TMEM71: variants seen among roughly 807,000 people sequenced by gnomAD.
TMEM71 encodes the protein transmembrane protein 71.
Under a neutral mutation model 38.0 loss-of-function variants are expected in TMEM71, and 44 were observed. The observed-to-expected ratio is 1.16, with a 90% confidence interval of 0.91 to 1.49. The LOEUF (loss-of-function observed/expected upper bound fraction) is 1.49. Among genes scored for constraint, TMEM71 ranks in the 40% most tolerant of loss-of-function variants. TMEM71 has a pLI of 0.00. For synonymous variants in TMEM71, 133 were observed against 122.5 expected (o/e 1.09, Z -0.56); for missense variants, 367 against 348.6 (o/e 1.05, Z -0.42).
the TMEM71 span, among the ~76,000 whole-genome samples, chr8:132,766,140 G>T: frequency 1.3e-5 from 2 of 152,078 alleles, no homozygotes; most frequent in Non-Finnish European, 2.9e-5. Context: ...TTTGCTCCTT[G>T]TGCCATCATT....
intron 4 of TMEM71, among the ~76,000 whole-genome samples, chr8:132,751,488 T>C (rs995567079): frequency 2.6e-5 from 4 of 152,272 alleles, no homozygotes; most frequent in African/African-American, 9.6e-5. Flanking sequence ...CCGTATTATT[T>C]CATTGCTTTC....
chr8:132,764,288 T>TTGTG (rs5895159), upstream of TMEM71, among the ~76,000 whole-genome samples: 41,402 of 149,038 alleles, frequency 0.28, 7,447 homozygotes, highest in African/African-American at 0.5. Flanking sequence ...AACTGGGAGG[T>TTGTG]TGTGTGTGTG....
chr8:132,716,287 C>T (rs1216335884), intron 7 of TMEM71, among the ~76,000 whole-genome samples: 1 of 152,202 alleles, frequency 6.6e-6, no homozygotes, highest in Non-Finnish European at 1.5e-5. Context: ...TAGCAGTGAC[C>T]AGACCCCACA....
chr8:132,714,281 TAG>T, intron 7 of TMEM71, 66 bp from the exon 8 acceptor site: 1 of 1,177,676 alleles, frequency 8.5e-7, no homozygotes, highest in Non-Finnish European at 1.3e-6. Flanking sequence ...GTGATTTTTT[TAG>T]ACTTACTATA....
chr8:132,722,513 G>A (rs748370865), intron 6 of TMEM71, among the ~76,000 whole-genome samples: 4 of 152,264 alleles, frequency 2.6e-5, no homozygotes, highest in East Asian at 1.9e-4. Context: ...GCTTGTATAC[G>A]TTAGTTCACT....
intron 6 of TMEM71, among the ~76,000 whole-genome samples, chr8:132,723,618 C>G (rs1826970618): frequency 6.6e-6 from 1 of 152,132 alleles, no homozygotes; most frequent in Non-Finnish European, 1.5e-5. Context: ...ATTAAAAATT[C>G]TATAATATTT....
chr8:132,760,757 A>T (rs1261959455), upstream of TMEM71: 3 of 152,234 alleles, frequency 2.0e-5, no homozygotes, highest in African/African-American at 7.2e-5. Context: ...GGCCAGCAGC[A>T]GGGAATGTGC....
chr8:132,774,880 G>A, the TMEM71 span, among the ~76,000 whole-genome samples: 9 of 152,220 alleles, frequency 5.9e-5, no homozygotes, highest in Admixed American at 5.9e-4. Flanking sequence ...CTCCAAGACT[G>A]GAAAGCAATA....
At chr8:132,744,617 C>A (rs1376993336) in intron 5 of TMEM71, among the ~76,000 whole-genome samples, 1 of 152,152 alleles carries the variant, frequency 6.6e-6, no homozygotes, top group East Asian at 1.9e-4. Flanking sequence ...CTAAAGCAAT[C>A]TACAAATTCA....
intron 4 of TMEM71, among the ~76,000 whole-genome samples, chr8:132,750,333 T>G (rs1828636974): frequency 6.6e-6 from 1 of 152,180 alleles, no homozygotes; most frequent in South Asian, 2.1e-4. Context: ...TAGAGTGCAT[T>G]TCCCTGACCC....
intron 9 of TMEM71, among the ~76,000 whole-genome samples, chr8:132,711,358 CA>C (rs571410331): frequency 1.4e-3 from 212 of 152,256 alleles, no homozygotes; most frequent in Admixed American, 2.5e-3. Flanking sequence ...TCATGATCCT[CA>C]AGAAGATTAA....
At chr8:132,751,713 A>G in intron 4 of TMEM71, 72 bp downstream of exon 4, 1 of 1,415,762 alleles carries the variant, frequency 7.1e-7, no homozygotes, top group Non-Finnish European at 1.0e-6. Flanking sequence ...TAGTTGAGTG[A>G]ATAAATGAAT....
At chr8:132,746,227 G>A (rs1828333061) in intron 5 of TMEM71, among the ~76,000 whole-genome samples, 1 of 150,300 alleles carries the variant, frequency 6.7e-6, no homozygotes, top group Non-Finnish European at 1.5e-5. Context: ...CCATCACTGT[G>A]TTTATATACA....
In TMEM71 at chr8:132,710,945, C is replaced by T. The variant is rs375389467; in HGVS notation, c.*22G>A. 7.3e-5 allele frequency: 117 copies of T among 1,607,118 alleles called. No individual in the cohort carries two copies. Among genetic ancestry groups the T allele is most frequent in the Non-Finnish European group, 9.5e-5 (112 of 1,175,718 alleles). On this transcript the variant is annotated 3_prime_UTR_variant, in exon 10 of 10. Coordinates refer to ENST00000677595, the MANE Select transcript of TMEM71 (RefSeq NM_001382403.1). ...AGATATTCAGATGGAGGACATTCAT[C>T]GAAGGCATTCCTAAATGGTTGTCAA... is the stretch of plus-strand genomic sequence containing the variant.
intron 2 of TMEM71, chr8:132,757,975 C>G (rs2433053): frequency 6.6e-6 from 1 of 151,980 alleles, no homozygotes; most frequent in African/African-American, 2.4e-5. Context: ...TTGGTTATTG[C>G]AGCTTACTCA....
At chr8:132,753,623 T>C (rs1316700820) in intron 3 of TMEM71, among the ~76,000 whole-genome samples, 1 of 152,104 alleles carries the variant, frequency 6.6e-6, no homozygotes, top group African/African-American at 2.4e-5. Flanking sequence ...TGAACAAATA[T>C]GGACTGCAGC....
intron 7 of TMEM71, among the ~76,000 whole-genome samples, chr8:132,717,897 A>T (rs147196989): frequency 2.0e-5 from 3 of 152,358 alleles, no homozygotes; most frequent in African/African-American, 7.2e-5. Context: ...ATGCAATGGA[A>T]TATTATTCTT....
At chr8:132,712,731 A>T (rs968377251) in intron 9 of TMEM71, among the ~76,000 whole-genome samples, 1 of 152,216 alleles carries the variant, frequency 6.6e-6, no homozygotes, top group African/African-American at 2.4e-5. Context: ...CCCATACCGT[A>T]TAGAACATAT....
intron 7 of TMEM71, among the ~76,000 whole-genome samples, chr8:132,721,715 T>A (rs1047530611): frequency 6.6e-6 from 1 of 151,982 alleles, no homozygotes; most frequent in Non-Finnish European, 1.5e-5. Context: ...CCTGGCTAAT[T>A]TCATACTTTT....
Sources: allele counts gnomAD v4.1 joint callset (sites outside exome capture counted in the v4.1 genomes callset), GRCh38; gene constraint gnomAD v4.1.1; transcripts MANE v1.5; gene names NCBI Gene and HGNC (gene_info 2026-07-23, HGNC 2026-07-21).